CPLX2: variants seen among roughly 807,000 people sequenced by gnomAD.
The protein encoded by CPLX2 is complexin-2.
A neutral mutation model predicts 16.3 loss-of-function variants in CPLX2; 5 were observed. The observed-to-expected ratio is 0.31, with a 90% CI of 0.16 to 0.64. The LOEUF is 0.64. CPLX2 is among the 30% of genes least tolerant of loss of function. The pLI is 0.79. For synonymous variants in CPLX2, 89 were observed against 73.2 expected (o/e 1.22, Z -1.10); for missense variants, 144 against 181.4 (o/e 0.79, Z 1.18).
intron 1 of CPLX2, among the ~76,000 whole-genome samples, chr5:175,800,203 T>C (rs1390490358): frequency 6.6e-6 from 1 of 152,122 alleles, no homozygotes; most frequent in Non-Finnish European, 1.5e-5. Context: ...GTGTCCTGAC[T>C]GGGCTCTGGG....
intron 2 of CPLX2, among the ~76,000 whole-genome samples, chr5:175,811,863 A>G (rs537882969): frequency 2.0e-4 from 31 of 152,298 alleles, no homozygotes; most frequent in Admixed American, 5.2e-4. Context: ...AATCTATTGG[A>G]ACTCTGCCAG....
rs548867231 is a variant in CPLX2 at position 175,856,364 on chromosome 5, G to A, written c.-88-22288G>A. 4.6e-5 allele frequency among the ~76,000 whole-genome samples: 7 copies of A among 152,272 alleles called. No individual in the cohort carries two copies. The South Asian group carries it at 1.2e-3, about 27-fold the overall frequency. ...CACAGACATGGGTTTTTGTACCCCTGCACTTCTGATGAGGAAACTGAGGCT... is the reference window on the plus strand; with the variant it reads ...CACAGACATGGGTTTTTGTACCCCTACACTTCTGATGAGGAAACTGAGGCT... On this transcript the variant is annotated intron_variant, in intron 2 of 4. Coordinates refer to the CPLX2 transcript ENST00000359546.
Position 175,880,249 on chromosome 5 carries a change from T to A in CPLX2, c.*204T>A. 1.4e-6 allele frequency: 1 copy of A among 695,708 alleles called. No individual in the cohort carries two copies. The allele number at this position is 695,708 out of a possible 1,614,324, so 43.1% of individuals were successfully genotyped here. A position where few individuals can be genotyped will look rare whatever the true frequency, so the allele number is the denominator to read the frequency against. On this transcript the variant is annotated 3_prime_UTR_variant, in exon 4 of 4. Transcript: ENST00000393745. ...TATCCACCTGCACCCCACTCCCAAG[T>A]AGCTTGAAAAAGGGAGGACAGTCTT...
chr5:175,883,710 C>T lies in CPLX2; in HGVS notation c.*3665C>T, dbSNP rs2288388. 29,192 of 152,504 alleles carry T rather than the reference C, an allele frequency of 0.19. 3,142 individuals are homozygous for T. The highest frequency in any genetic ancestry group is 0.47 in the East Asian group (2,387 of 5,124). 9.4% of individuals were successfully genotyped at this position (152,504 alleles called of 1,614,324 possible). On this transcript the variant is annotated 3_prime_UTR_variant, in exon 4 of 4. Transcript: ENST00000393745. The stretch of plus-strand genomic sequence containing the variant: ...CCTGCTCCAGTCCCACTCCTGTCAC[C>T]CCACGCTCTGCACTGGGGAGAAAAC...
At chr5:175,836,223 A>T (rs62387095) in intron 2 of CPLX2, among the ~76,000 whole-genome samples, 2,376 of 152,052 alleles carry the variant, frequency 0.016, 63 homozygotes, top group African/African-American at 0.055. Flanking sequence ...GGTGGCGGGC[A>T]CCTGTGGTCC....
At chr5:175,800,739 C>G (rs1175108170) in intron 1 of CPLX2, among the ~76,000 whole-genome samples, 5 of 152,188 alleles carry the variant, frequency 3.3e-5, no homozygotes, top group Admixed American at 2.6e-4. Context: ...GGGCACCATT[C>G]CAAGTGATGG....
chr5:175,817,615 C>T (rs774167954), intron 2 of CPLX2, among the ~76,000 whole-genome samples: 26 of 152,264 alleles, frequency 1.7e-4, no homozygotes, highest in Admixed American at 1.6e-3. Context: ...TAATTACTCC[C>T]ACGATGTTTG....
chr5:175,817,774 C>T lies in CPLX2; in HGVS notation c.-89+8706C>T, dbSNP rs1581073176. On this transcript the variant is annotated intron_variant, in intron 2 of 4. Coordinates refer to the CPLX2 transcript ENST00000359546. ...GTGAGGATGAAGGAGGTGAGGGGAT[C>T]AGGGTGGAGGAATGTGTATCCATTT... 3.3e-5 allele frequency among the ~76,000 whole-genome samples: 5 copies of T among 152,216 alleles called. No homozygotes were observed. The South Asian group carries it at 1.0e-3, about 32-fold the overall frequency.
chr5:175,813,508 C>T (rs1216075082), intron 2 of CPLX2, among the ~76,000 whole-genome samples: 1 of 152,214 alleles, frequency 6.6e-6, no homozygotes, highest in Non-Finnish European at 1.5e-5. Flanking sequence ...AAAACAAAAA[C>T]AAAGCTTCCT....
At chr5:175,808,092 T>A (rs1356228519) in intron 1 of CPLX2, among the ~76,000 whole-genome samples, 2 of 152,210 alleles carry the variant, frequency 1.3e-5, no homozygotes, top group Non-Finnish European at 2.9e-5. Flanking sequence ...CCCCTTCAGT[T>A]GCTGGGGCCT....
chr5:175,873,138 C>T (rs1178480314), intron 1 of CPLX2: 2 of 147,476 alleles, frequency 1.4e-5, no homozygotes, highest in East Asian at 4.1e-4. Context: ...CCCCTTCCCG[C>T]GCAGGGATAG....
chr5:175,827,636 C>A (rs193287269), intron 2 of CPLX2, among the ~76,000 whole-genome samples: 1 of 152,268 alleles, frequency 6.6e-6, no homozygotes, highest in East Asian at 1.9e-4. Flanking sequence ...TGCCGAGCAC[C>A]TGTAATCCAG....
At chr5:175,863,809 C>T (rs547597689) in intron 2 of CPLX2, among the ~76,000 whole-genome samples, 4 of 152,186 alleles carry the variant, frequency 2.6e-5, no homozygotes, top group Non-Finnish European at 5.9e-5. Context: ...TTTCCTCACA[C>T]AGTTCCCATT....
intron 1 of CPLX2, 194 bp from the exon 2 acceptor site, chr5:175,878,458 T>G: frequency 1.9e-6 from 1 of 540,468 alleles, no homozygotes; most frequent in East Asian, 3.1e-5. Context: ...CAAAAAGCTA[T>G]TTGGCAGCAC....
intron 1 of CPLX2, among the ~76,000 whole-genome samples, chr5:175,800,024 G>A (rs184656674): frequency 1.7e-3 from 252 of 152,142 alleles, no homozygotes; most frequent in South Asian, 4.8e-3. Flanking sequence ...TTCCTTTTCC[G>A]ATTTGCCCTG....
intron 2 of CPLX2, among the ~76,000 whole-genome samples, chr5:175,847,680 G>C (rs578120774): frequency 1.3e-5 from 2 of 152,268 alleles, no homozygotes; most frequent in East Asian, 3.9e-4. Flanking sequence ...ACTCCTGCAG[G>C]GGGCATGAGA....
rs368213117 is a variant in CPLX2, at chr5:175,825,403, A to G, written c.-89+16335A>G. Among the ~76,000 whole-genome samples, 7 of 150,804 alleles carry G rather than the reference A, an allele frequency of 4.6e-5. No individual in the cohort carries two copies. In the East Asian group the frequency reaches 1.4e-3, roughly 30 times the overall value. On this transcript the variant is annotated intron_variant, in intron 2 of 4. Transcript: ENST00000359546. ...GACTCTGTCTCAAAAACAAACAAAAAGAAAAAAAAAAAGGAAAGAAAATGG... is the reference window on the plus strand; with the variant it reads ...GACTCTGTCTCAAAAACAAACAAAAGGAAAAAAAAAAAGGAAAGAAAATGG...
In CPLX2 at chr5:175,865,084, G is replaced by GCA. The variant is rs765539459; in HGVS notation, c.-88-13567_-88-13566insAC. Among the ~76,000 whole-genome samples, 316 of 24,812 alleles carry GCA rather than the reference G, an allele frequency of 0.013. No individual in the cohort carries two copies. In the East Asian group the frequency reaches 0.23, roughly 18 times the overall value. The allele number at this position is 24,812 out of a possible 152,430, so 16.3% of individuals were successfully genotyped here. A position where few individuals can be genotyped will look rare whatever the true frequency, so the allele number is the denominator to read the frequency against. ...CACATACTCACATGCACGCATGTGCGCGCGCGCACACACACACACACACTC... is the reference window on the plus strand; with the variant it reads ...CACATACTCACATGCACGCATGTGCGCACGCGCGCACACACACACACACACTC... On this transcript the variant is annotated intron_variant, in intron 2 of 4. Coordinates refer to the CPLX2 transcript ENST00000359546.
intron 2 of CPLX2, among the ~76,000 whole-genome samples, chr5:175,835,258 T>C (rs1758807854): frequency 6.6e-6 from 1 of 152,160 alleles, no homozygotes; most frequent in African/African-American, 2.4e-5. Flanking sequence ...AAACACAACA[T>C]TGAGAAATAG....
Sources: allele counts gnomAD v4.1 joint callset (sites outside exome capture counted in the v4.1 genomes callset), GRCh38; gene constraint gnomAD v4.1.1; transcripts MANE v1.5; gene names NCBI Gene and HGNC (gene_info 2026-07-23, HGNC 2026-07-21).